Variants in SERINC2 observed in about 807,000 individuals in gnomAD.
SERINC2 encodes the protein serine incorporator 2.
SERINC2 carries 56 observed loss-of-function variants against 54.2 expected under a neutral mutation model. The observed-to-expected ratio is 1.03, with a 90% CI of 0.83 to 1.29. SERINC2 has a LOEUF of 1.29. SERINC2 is among the 50% of genes most tolerant of loss of function. SERINC2 has a pLI of 0.00. For missense variants in SERINC2, 614 were observed against 607.4 expected, an observed-to-expected ratio of 1.01 and a Z score of -0.12; for synonymous variants, 272 against 253.1, an observed-to-expected ratio of 1.07 and a Z score of -0.71.
rs782797191 is a variant in SERINC2, at chr1:31,426,791, G to A, written c.748G>A (p.Val250Met). 32 of 1,613,886 alleles carry A rather than the reference G, an allele frequency of 2.0e-5. No homozygotes were observed. Among genetic ancestry groups the A allele is most frequent in the Middle Eastern group, 1.6e-4 (1 of 6,084 alleles). ...ISLNLTFCVC[V>M]SIAAVLPKVQ... The stretch of plus-strand genomic sequence containing the variant: ...CCTCAACCTCACCTTCTGTGTCTGC[G>A]TGTCCATCGCTGCTGTCCTGCCCAA... Residue 250 changes from valine (V) to methionine (M), a missense_variant, in exon 6 of 10, where the codon GTG (valine) becomes ATG (methionine). Coordinates refer to ENST00000373709, the MANE Select transcript of SERINC2 (RefSeq NM_178865.5).
At chr1:31,433,324 A>T (rs2148534636) in intron 9 of SERINC2, 139 bp downstream of exon 9, 2 of 688,380 alleles carry the variant, frequency 2.9e-6, no homozygotes, top group South Asian at 3.5e-5. Context: ...GACCCTCCAT[A>T]GAGCCTGCCC....
chr1:31,418,834 A>G (rs1265985520), intron 1 of SERINC2, among the ~76,000 whole-genome samples: 1 of 151,968 alleles, frequency 6.6e-6, no homozygotes, highest in African/African-American at 2.4e-5. Flanking sequence ...CATAATGCCA[A>G]ACGACTCATG....
chr1:31,434,316 C>T lies in SERINC2; in HGVS notation c.*117C>T, dbSNP rs1443992902. ...GCCAGGCTGAGCCCCCACCCCTGCC[C>T]CAGCTCCAGGACCTGCCCCTGAGCC... is the stretch of plus-strand genomic sequence containing the variant. On this transcript the variant is annotated 3_prime_UTR_variant, in exon 10 of 10. Coordinates refer to ENST00000373709, the MANE Select transcript of SERINC2 (RefSeq NM_178865.5). The T allele has an allele frequency of 3.4e-5, 38 of 1,107,692 alleles. No homozygotes were observed. The highest frequency in any genetic ancestry group is 3.7e-5 in the Non-Finnish European group (28 of 766,922). 68.6% of individuals were successfully genotyped at this position (1,107,692 alleles called of 1,614,324 possible). A position where few individuals can be genotyped will look rare whatever the true frequency, so the allele number is the denominator to read the frequency against.
At chr1:31,426,963 A>G (rs1274383201) in intron 6 of SERINC2, 140 bp downstream of exon 6, 1 of 736,126 alleles carries the variant, frequency 1.4e-6, no homozygotes, top group Non-Finnish European at 2.2e-6. Flanking sequence ...CAGCCTCCCC[A>G]GGTTATAGTC....
intron 8 of SERINC2, among the ~76,000 whole-genome samples, chr1:31,432,075 C>CAGGGTGGATAGGGTGGAT (rs1641276539): frequency 7.5e-5 from 1 of 13,316 alleles, no homozygotes; most frequent in Non-Finnish European, 1.4e-4. Flanking sequence ...ACAGGGTGGA[C>CAGGGTGGATAGGGTGGAT]AGGGTGGTTA....
chr1:31,429,001 G>T lies in SERINC2; in HGVS notation c.804G>T (p.Leu268=), dbSNP rs1557497144. The T allele has an allele frequency of 3.7e-6, 6 of 1,613,952 alleles. No individual in the cohort carries two copies. In the South Asian group the frequency reaches 4.4e-5, roughly 12 times the overall value. The change falls in exon 7 of 10, where the codon CTG becomes CTT. Residue 268 remains leucine (L), a synonymous_variant. Coordinates refer to ENST00000373709, the MANE Select transcript of SERINC2 (RefSeq NM_178865.5). ...AGGACGCCCAGCCCAACTCGGGTCT[G>T]CTGCAGGCCTCGGTCATCACCCTCT... is the stretch of plus-strand genomic sequence containing the variant. The part of the protein sequence containing the change: ...KVQDAQPNSG[L]LQASVITLYT...
chr1:31,417,846 T>G (rs1382133325), intron 1 of SERINC2, among the ~76,000 whole-genome samples: 1 of 128,448 alleles, frequency 7.8e-6, no homozygotes, highest in Non-Finnish European at 1.6e-5. Flanking sequence ...GTGTCAAAAT[T>G]TCATTCTTTT....
intron 3 of SERINC2, 63 bp from the exon 4 acceptor site, chr1:31,425,267 T>G: frequency 1.6e-6 from 2 of 1,242,008 alleles, no homozygotes; most frequent in Non-Finnish European, 2.4e-6. Context: ...CCAGGCCCAG[T>G]CTGGCTTCCA....
At chr1:31,420,296 C>T (rs1255652545) in intron 1 of SERINC2, among the ~76,000 whole-genome samples, 1 of 152,158 alleles carries the variant, frequency 6.6e-6, no homozygotes, top group Non-Finnish European at 1.5e-5. Context: ...TGATCAGGCC[C>T]TTGGAAATCC....
intron 2 of SERINC2, 91 bp from the exon 3 acceptor site, chr1:31,424,592 G>A (rs1553133219): frequency 5.3e-6 from 6 of 1,141,318 alleles, no homozygotes; most frequent in Non-Finnish European, 7.4e-6. Context: ...TTCCTGGCCG[G>A]CCTTGGGAGA....
intron 1 of SERINC2, among the ~76,000 whole-genome samples, chr1:31,419,772 T>A (rs577559157): frequency 6.6e-6 from 1 of 152,136 alleles, no homozygotes; most frequent in African/African-American, 2.4e-5. Flanking sequence ...GAGGCTTCAG[T>A]GAGCTGAGAT....
At chr1:31,412,809 G>A (rs1640674419), upstream of SERINC2, among the ~76,000 whole-genome samples, 1 of 152,188 alleles carries the variant, frequency 6.6e-6, no homozygotes, top group African/African-American at 2.4e-5. Flanking sequence ...GTGACTTGCC[G>A]AAGTTTCTTT....
chr1:31,424,984 G>A, intron 3 of SERINC2, 111 bp downstream of exon 3: 2 of 813,274 alleles, frequency 2.5e-6, no homozygotes, highest in Non-Finnish European at 3.8e-6. Flanking sequence ...AGCCACGGGA[G>A]GGCACAGCAT....
At chr1:31,425,712 G>A (rs1427012646) in intron 4 of SERINC2, 64 bp from the exon 5 acceptor site, 7 of 1,573,412 alleles carry the variant, frequency 4.4e-6, no homozygotes, top group East Asian at 4.5e-5. Flanking sequence ...AGCAGAAAAC[G>A]CTTGTTGAAC....
Position 31,413,932 on chromosome 1 carries a change from C to A in SERINC2, c.39+628C>A. 1 of 1,519,404 alleles carries A rather than the reference C, an allele frequency of 6.6e-7. No individual in the cohort carries two copies. Among genetic ancestry groups the A allele is most frequent in the Non-Finnish European group, 8.8e-7 (1 of 1,140,248 alleles). The allele number at this position is 1,519,404 out of a possible 1,614,324, so 94.1% of individuals were successfully genotyped here. A position where few individuals can be genotyped will look rare whatever the true frequency, so the allele number is the denominator to read the frequency against. On this transcript the variant is annotated intron_variant, in intron 1 of 9. Coordinates refer to ENST00000373709, the MANE Select transcript of SERINC2 (RefSeq NM_178865.5). The surrounding 1 kb of genome is among the most constrained non-coding windows in gnomAD (Gnocchi z 5.0). ...CTCAGTCTCTCTGCGGTCCCTTTACCGTCCTCAGTCTGGCTCGCGCTGCCT... is the reference window on the plus strand; with the variant it reads ...CTCAGTCTCTCTGCGGTCCCTTTACAGTCCTCAGTCTGGCTCGCGCTGCCT...
chr1:31,426,372 G>A (rs1641041940), intron 5 of SERINC2, among the ~76,000 whole-genome samples: 1 of 152,184 alleles, frequency 6.6e-6, no homozygotes, highest in African/African-American at 2.4e-5. Context: ...GGGAGGGCAG[G>A]TCAACAGCCT....
chr1:31,425,702 A>G, intron 4 of SERINC2, 74 bp from the exon 5 acceptor site: 1 of 1,539,912 alleles, frequency 6.5e-7, no homozygotes, highest in South Asian at 1.2e-5. Flanking sequence ...TGCAGGGTGT[A>G]GCAGAAAACG....
At chr1:31,425,223 C>A in intron 3 of SERINC2, 107 bp from the exon 4 acceptor site, 1 of 859,804 alleles carries the variant, frequency 1.2e-6, no homozygotes, top group Non-Finnish European at 2.0e-6. Flanking sequence ...TCACCCCTCT[C>A]AGCACCTGCT....
At chr1:31,431,839 G>C (rs1553134537) in intron 8 of SERINC2, among the ~76,000 whole-genome samples, 2 of 145,888 alleles carry the variant, frequency 1.4e-5, no homozygotes, top group Non-Finnish European at 3.0e-5. Flanking sequence ...GGATAGGGTG[G>C]ATAGGGTGGA....
Sources: gnomAD v4.1 joint callset for allele counts (sites outside exome capture counted in the v4.1 genomes callset) on GRCh38, gnomAD v4.1.1 for gene constraint, Gnocchi (gnomAD v3.1) non-coding constraint, MANE v1.5 for transcripts, NCBI Gene and HGNC (gene_info 2026-07-23, HGNC 2026-07-21) for gene names.